INVS: variants seen among roughly 807,000 people sequenced by gnomAD.
INVS encodes inversion of embryo turning homolog.
Under a neutral mutation model 108.8 loss-of-function variants are expected in INVS, and 86 were observed. The observed-to-expected ratio is 0.79, with a 90% CI of 0.66 to 0.95. INVS has a LOEUF of 0.95. Ranked by LOEUF, INVS falls within the 40% of genes least tolerant of loss-of-function variation. The probability of loss-of-function intolerance (pLI) is 0.00; values close to 1 mark genes in which losing one functional copy is unlikely to be tolerated. For missense variants in INVS, 1,169 were observed against 1,297.4 expected, an observed-to-expected ratio of 0.90 and a Z score of 1.52; for synonymous variants, 455 against 473.5, an observed-to-expected ratio of 0.96 and a Z score of 0.51.
intron 1 of INVS, 130 bp from the exon 2 acceptor site, chr9:100,104,368 A>T: frequency 1.5e-6 from 1 of 688,006 alleles, no homozygotes; most frequent in East Asian, 2.8e-5. Flanking sequence ...CCCAGCCAGG[A>T]CTATAGATTT....
chr9:100,233,918 T>C (rs1228727342), intron 5 of INVS, among the ~76,000 whole-genome samples: 3 of 152,194 alleles, frequency 2.0e-5, no homozygotes, highest in African/African-American at 7.2e-5. Context: ...TCTTTTTCTA[T>C]TGTTTGGAAT....
chr9:100,262,639 A>G (rs969381550), intron 10 of INVS, among the ~76,000 whole-genome samples: 7 of 10,298 alleles, frequency 6.8e-4, no homozygotes, highest in African/African-American at 2.3e-3. Context: ...CTGGAGCACT[A>G]AAAAAAAAAA....
At chr9:100,195,389 C>T (rs1306519213) in intron 3 of INVS, among the ~76,000 whole-genome samples, 1 of 152,060 alleles carries the variant, frequency 6.6e-6, no homozygotes, top group Non-Finnish European at 1.5e-5. Context: ...ACTGTGTTGC[C>T]CAGGCTACAC....
rs534853290 is a variant in INVS, at chr9:100,166,287, G to A, written c.273+39738G>A. Reference sequence around the variant, plus strand: ...CCTTTGGGAAGCCTAGGCAGGATGAGGGGTTGAGCCCAGGAGTTCAAGACC... The same window carrying A: ...CCTTTGGGAAGCCTAGGCAGGATGAAGGGTTGAGCCCAGGAGTTCAAGACC... On this transcript the variant is annotated intron_variant, in intron 3 of 16. Transcript: ENST00000262457. 1.4e-4 allele frequency among the ~76,000 whole-genome samples: 21 copies of A among 152,262 alleles called. No homozygotes were observed. The South Asian group carries it at 4.4e-3, about 32-fold the overall frequency.
chr9:100,294,328 G>C (rs1267621354), intron 14 of INVS, among the ~76,000 whole-genome samples: 1 of 152,138 alleles, frequency 6.6e-6, no homozygotes, highest in Non-Finnish European at 1.5e-5. Context: ...ACATTGGCAG[G>C]GAGAAAACTA....
chr9:100,176,476 ATTTTTATTTATTTATTTAGAGACGGAG>A (rs1829713939), intron 3 of INVS, among the ~76,000 whole-genome samples: 2 of 152,012 alleles, frequency 1.3e-5, no homozygotes, highest in Admixed American at 1.3e-4. Context: ...GCTTATTTTT[ATTTTTATTTATTTATTTAGAGACGGAG>A]TCTCGCACTG....
At chr9:100,118,468 C>T (rs1434999832) in intron 2 of INVS, among the ~76,000 whole-genome samples, 1 of 152,072 alleles carries the variant, frequency 6.6e-6, no homozygotes, top group African/African-American at 2.4e-5. Context: ...CTCAGCCTCT[C>T]AAAGTGCTGG....
intron 10 of INVS, among the ~76,000 whole-genome samples, chr9:100,263,454 C>T (rs1285702843): frequency 3.3e-5 from 5 of 152,104 alleles, no homozygotes; most frequent in African/African-American, 4.8e-5. Context: ...GCTGATGACC[C>T]CATTCCTCCA....
intron 3 of INVS, among the ~76,000 whole-genome samples, chr9:100,177,807 CCT>C (rs1160658422): frequency 1.3e-5 from 2 of 152,204 alleles, no homozygotes; most frequent in Non-Finnish European, 2.9e-5. Context: ...CAAGTGGGTC[CCT>C]GATTCCGGTG....
intron 3 of INVS, among the ~76,000 whole-genome samples, chr9:100,216,272 T>C (rs966511799): frequency 6.6e-6 from 1 of 152,182 alleles, no homozygotes; most frequent in Non-Finnish European, 1.5e-5. Context: ...TTTGGGAGTA[T>C]TGCCTAAGGT....
chr9:100,233,212 CATTG>C (rs1831567718), intron 5 of INVS, among the ~76,000 whole-genome samples: 1 of 152,158 alleles, frequency 6.6e-6, no homozygotes, highest in Non-Finnish European at 1.5e-5. Context: ...GAGTTTTGCA[CATTG>C]ATTTTGTATC....
At chr9:100,156,889 T>C (rs1244308102) in intron 3 of INVS, among the ~76,000 whole-genome samples, 1 of 151,536 alleles carries the variant, frequency 6.6e-6, no homozygotes, top group Non-Finnish European at 1.5e-5. Context: ...TGACTAGAAA[T>C]GGACCTTATA....
intron 16 of INVS, chr9:100,298,452 CAGG>C: frequency 2.2e-6 from 1 of 446,088 alleles, no homozygotes; most frequent in Non-Finnish European, 3.0e-6. Context: ...TTCCCTCATA[CAGG>C]AGAAGCTCAG....
intron 3 of INVS, among the ~76,000 whole-genome samples, chr9:100,173,101 C>T (rs1487946209): frequency 6.6e-6 from 1 of 152,178 alleles, no homozygotes; most frequent in Non-Finnish European, 1.5e-5. Flanking sequence ...CAGCAGTACT[C>T]AACCATCTAG....
chr9:100,222,328 T>G (rs1314070407), intron 3 of INVS, among the ~76,000 whole-genome samples: 3 of 152,240 alleles, frequency 2.0e-5, no homozygotes, highest in African/African-American at 2.4e-5. Flanking sequence ...TTATTACCCC[T>G]GTTTTATATA....
At chr9:100,235,258 G>T (rs937183016) in intron 5 of INVS, among the ~76,000 whole-genome samples, 3 of 151,532 alleles carry the variant, frequency 2.0e-5, no homozygotes, top group Non-Finnish European at 2.9e-5. Flanking sequence ...GCCTGTGTGT[G>T]TCTTTGCACA....
intron 3 of INVS, among the ~76,000 whole-genome samples, chr9:100,196,217 A>C (rs756681476): frequency 2.0e-5 from 3 of 151,960 alleles, no homozygotes; most frequent in Admixed American, 1.3e-4. Context: ...TCTTACCTCC[A>C]TTTTAGTATG....
At chr9:100,127,526 A>G (rs898076699) in intron 3 of INVS, among the ~76,000 whole-genome samples, 1 of 152,152 alleles carries the variant, frequency 6.6e-6, no homozygotes. Context: ...TTGTTATTTT[A>G]GATTTCTGTA....
chr9:100,180,248 A>G (rs1829845093), intron 3 of INVS, among the ~76,000 whole-genome samples: 1 of 152,168 alleles, frequency 6.6e-6, no homozygotes, highest in Non-Finnish European at 1.5e-5. Context: ...GCAAGAGCAA[A>G]CAAATTCAGA....
Sources: gnomAD v4.1 joint callset for allele counts (sites outside exome capture counted in the v4.1 genomes callset) on GRCh38, gnomAD v4.1.1 for gene constraint, MANE v1.5 for transcripts, NCBI Gene and HGNC (gene_info 2026-07-23, HGNC 2026-07-21) for gene names.